LYPD6: variants seen among roughly 807,000 people sequenced by gnomAD.
LYPD6 encodes LY6/PLAUR domain containing 6.
In LYPD6, 15 loss-of-function variants were observed where a neutral mutation model predicts 22.7. The observed-to-expected ratio is 0.66, with a 90% CI of 0.44 to 1.02. The LOEUF (loss-of-function observed/expected upper bound fraction) is 1.02. Among genes scored for constraint, LYPD6 ranks in the 50% least tolerant of loss-of-function variants. LYPD6 has a pLI of 0.00. For synonymous variants in LYPD6, 72 were observed against 77.5 expected, an observed-to-expected ratio of 0.93 and a Z score of 0.37; for missense variants, 189 against 208.4, an observed-to-expected ratio of 0.91 and a Z score of 0.57.
chr2:149,440,762 G>A (rs1683547252), intron 2 of LYPD6, among the ~76,000 whole-genome samples: 1 of 139,882 alleles, frequency 7.1e-6, no homozygotes, highest in Non-Finnish European at 1.5e-5. Flanking sequence ...GTGCAGTGGT[G>A]CGATCTTGGC....
chr2:149,475,204 A>G (rs758340831), downstream of LYPD6, among the ~76,000 whole-genome samples: 3 of 152,164 alleles, frequency 2.0e-5, no homozygotes, highest in Non-Finnish European at 4.4e-5. Flanking sequence ...AGCACTTACA[A>G]ATGTTTTAAT....
intron 1 of LYPD6, among the ~76,000 whole-genome samples, chr2:149,347,697 T>C (rs961733998): frequency 3.3e-5 from 5 of 152,134 alleles, no homozygotes; most frequent in Admixed American, 1.3e-4. Flanking sequence ...CTATCTCTTA[T>C]TGGTGATTTT....
intron 3 of LYPD6, among the ~76,000 whole-genome samples, chr2:149,464,852 G>T (rs1004566855): frequency 1.3e-5 from 2 of 152,312 alleles, no homozygotes; most frequent in Middle Eastern, 3.4e-3. Context: ...GCTGATTCCA[G>T]ATTTCTAGTT....
At chr2:149,410,916 C>G (rs570123080) in intron 1 of LYPD6, among the ~76,000 whole-genome samples, 4 of 152,264 alleles carry the variant, frequency 2.6e-5, no homozygotes, top group South Asian at 2.1e-4. Context: ...GTTATGTGGC[C>G]TCATTAGGTT....
At position 149,408,251 on chromosome 2, in the gene LYPD6, C is replaced by G. The variant is rs375951233; in HGVS notation, c.-71-29387C>G. On this transcript the variant is annotated intron_variant, in intron 1 of 4. Transcript: ENST00000334166. ...CTCCAGCTGCGTGCTGGGAGAACCA[C>G]TGTTCTCCTCAAAGCTGTCAGACAG... 1.1e-4 allele frequency among the ~76,000 whole-genome samples: 16 copies of G among 152,260 alleles called. No homozygotes were observed. In the East Asian group the frequency reaches 3.1e-3, roughly 29 times the overall value.
intron 1 of LYPD6, among the ~76,000 whole-genome samples, chr2:149,331,551 G>T (rs1680938913): frequency 6.6e-6 from 1 of 152,046 alleles, no homozygotes; most frequent in African/African-American, 2.4e-5. Context: ...ATTGCCTTCG[G>T]TGTGGTCCTT....
intron 1 of LYPD6, among the ~76,000 whole-genome samples, chr2:149,420,928 G>T (rs542886963): frequency 6.6e-6 from 1 of 152,300 alleles, no homozygotes; most frequent in East Asian, 1.9e-4. Flanking sequence ...CCCAAACTGT[G>T]TTGCAAGTTA....
At chr2:149,486,134 T>C in the LYPD6 span, among the ~76,000 whole-genome samples, 1 of 152,248 alleles carries the variant, frequency 6.6e-6, no homozygotes, top group African/African-American at 2.4e-5. Context: ...TCCAGTTTAC[T>C]ATTTTTTAAA....
downstream of LYPD6, among the ~76,000 whole-genome samples, chr2:149,475,330 A>G (rs557714023): frequency 6.6e-6 from 1 of 152,276 alleles, no homozygotes; most frequent in Non-Finnish European, 1.5e-5. Context: ...TTTTTCTAAG[A>G]TTGCACAGGA....
intron 1 of LYPD6, among the ~76,000 whole-genome samples, chr2:149,336,487 CAT>C (rs1214621861): frequency 6.6e-6 from 1 of 152,190 alleles, no homozygotes; most frequent in African/African-American, 2.4e-5. Context: ...CTCTAAAACA[CAT>C]GTGTCCACCA....
chr2:149,365,130 G>A (rs1008436188), intron 1 of LYPD6, among the ~76,000 whole-genome samples: 1 of 152,292 alleles, frequency 6.6e-6, no homozygotes, highest in East Asian at 1.9e-4. Flanking sequence ...CTAATTCACA[G>A]TAGTGTCACT....
chr2:149,381,436 G>GAGGT (rs990339622), intron 1 of LYPD6, among the ~76,000 whole-genome samples: 4 of 152,150 alleles, frequency 2.6e-5, no homozygotes, highest in African/African-American at 9.7e-5. Context: ...TCTGTAACAG[G>GAGGT]AGGTAGGCAG....
At position 149,473,857 on chromosome 2, in the gene LYPD6, C is replaced by G. The variant is rs543389821; in HGVS notation, c.*3007C>G. ...AATAAAAGAAGGAAAGGCTACCAGACTTTTCAATAAGGTCTACAGCTTCCC... is the reference window on the plus strand; with the variant it reads ...AATAAAAGAAGGAAAGGCTACCAGAGTTTTCAATAAGGTCTACAGCTTCCC... On this transcript the variant is annotated 3_prime_UTR_variant, in exon 5 of 5. Coordinates refer to ENST00000334166, the MANE Select transcript of LYPD6 (RefSeq NM_194317.5). The G allele has an allele frequency of 1.8e-4, 28 of 152,318 alleles. No individual in the cohort carries two copies. The highest frequency in any genetic ancestry group is 6.7e-4 in the African/African-American group (28 of 41,574). The allele number at this position is 152,318 out of a possible 1,614,324, so 9.4% of individuals were successfully genotyped here.
At chr2:149,346,562 A>T (rs890185126) in intron 1 of LYPD6, among the ~76,000 whole-genome samples, 6 of 152,230 alleles carry the variant, frequency 3.9e-5, no homozygotes, top group African/African-American at 1.4e-4. Flanking sequence ...ATCTTGTGTG[A>T]AAAAGAACTT....
At chr2:149,447,732 G>T (rs186112605) in intron 2 of LYPD6, among the ~76,000 whole-genome samples, 13 of 152,308 alleles carry the variant, frequency 8.5e-5, no homozygotes, top group African/African-American at 2.9e-4. Flanking sequence ...TTATTTGCAT[G>T]TTGACATTTG....
intron 1 of LYPD6, among the ~76,000 whole-genome samples, chr2:149,347,153 G>A (rs1681272328): frequency 6.6e-6 from 1 of 151,646 alleles, no homozygotes; most frequent in South Asian, 2.1e-4. Context: ...AAGAGAGGGC[G>A]AGAGAGAGAA....
intron 4 of LYPD6, among the ~76,000 whole-genome samples, 196 bp downstream of exon 4, chr2:149,468,971 A>G (rs562542390): frequency 1.6e-4 from 25 of 152,350 alleles, no homozygotes; most frequent in Non-Finnish European, 2.8e-4. Flanking sequence ...AGGACAACTG[A>G]TATAAATTGT....
intron 1 of LYPD6, among the ~76,000 whole-genome samples, chr2:149,397,578 C>A (rs774416452): frequency 6.6e-6 from 1 of 152,184 alleles, no homozygotes; most frequent in Non-Finnish European, 1.5e-5. Context: ...CAAACTACCA[C>A]AATAAGTGAA....
intron 1 of LYPD6, among the ~76,000 whole-genome samples, chr2:149,379,323 ACCTGCCT>A (rs1682006711): frequency 6.6e-6 from 1 of 152,224 alleles, no homozygotes; most frequent in Admixed American, 6.5e-5. Context: ...GTGCATCAAC[ACCTGCCT>A]CAGGTCTTTA....
Sources: allele counts gnomAD v4.1 joint callset (sites outside exome capture counted in the v4.1 genomes callset), GRCh38; gene constraint gnomAD v4.1.1; transcripts MANE v1.5; gene names NCBI Gene and HGNC (gene_info 2026-07-23, HGNC 2026-07-21).